Variants in APBA1 observed in about 807,000 individuals in gnomAD.
APBA1 encodes the protein amyloid beta precursor protein binding family A member 1, also known as amyloid-beta A4 precursor protein-binding family A member 1.
APBA1 carries 55 observed loss-of-function variants against 86.6 expected under a neutral mutation model. The observed-to-expected ratio is 0.64, with a 90% CI of 0.51 to 0.80. APBA1 has a LOEUF of 0.80. Ranked by LOEUF, APBA1 falls within the 30% of genes least tolerant of loss-of-function variation. The pLI is 0.00. For missense variants in APBA1, 1,090 were observed against 1,183.0 expected (o/e 0.92, Z 1.15); for synonymous variants, 511 against 493.9 (o/e 1.03, Z -0.46).
rs1407942157 is a variant in APBA1, at chr9:69,476,153, A to G, written c.1201-10T>C. ...TGCCAGGAGACGGAGACTAGAACAC[A>G]GCAAGAGGAAACACAGTGAGAACTT... On this transcript the variant is annotated splice_polypyrimidine_tract_variant and intron_variant, in intron 2 of 12. Transcript: ENST00000265381. 5.0e-6 allele frequency: 8 copies of G among 1,602,052 alleles called. No individual in the cohort carries two copies. Among genetic ancestry groups the G allele is most frequent in the Non-Finnish European group, 2.6e-6 (3 of 1,170,782 alleles).
intron 1 of APBA1, among the ~76,000 whole-genome samples, chr9:69,579,242 G>A (rs1821866325): frequency 6.6e-6 from 1 of 152,054 alleles, no homozygotes; most frequent in African/African-American, 2.4e-5. Flanking sequence ...AATGTGCACA[G>A]CCACATGAGG....
chr9:69,613,347 G>A (rs2133983728), intron 1 of APBA1, among the ~76,000 whole-genome samples: 1 of 152,128 alleles, frequency 6.6e-6, no homozygotes, highest in East Asian at 1.9e-4. Flanking sequence ...TTCTATTCCT[G>A]CCACATTTTT....
rs768864243 is a variant in APBA1 at position 69,449,704 on chromosome 9, G to A, written c.2061C>T (p.Asn687=). ...TCTCCGCAGGGCCACCATGCATCAT[G>A]TTGGCAATGATCACGGTGGGGAGGA... ...GSILPTVIIA[N]MMHGGPAEKS... is the part of the protein sequence containing the mutation. Residue 687 remains asparagine (N), a synonymous_variant, in exon 10 of 13, where the codon AAC becomes AAT. Transcript: ENST00000265381. 10 of 1,613,966 alleles carry A rather than the reference G, an allele frequency of 6.2e-6. 1 individual carries two copies. In the South Asian group the frequency reaches 7.7e-5, roughly 12 times the overall value.
intron 10 of APBA1, among the ~76,000 whole-genome samples, chr9:69,443,059 C>A (rs969748857): frequency 2.0e-5 from 3 of 152,186 alleles, no homozygotes; most frequent in African/African-American, 7.2e-5. Flanking sequence ...GAGGTAGGGG[C>A]TATTTTGCCT....
intron 2 of APBA1, among the ~76,000 whole-genome samples, chr9:69,513,346 G>A (rs1836083070): frequency 6.6e-6 from 1 of 152,220 alleles, no homozygotes; most frequent in South Asian, 2.1e-4. Flanking sequence ...AGGGGCAATT[G>A]GTTAAGCAGG....
In APBA1 at chr9:69,516,621, A is replaced by T; in HGVS notation, c.590T>A (p.Val197Glu). ...YADYGGLQEH[V>E]YEEIGDAPEL... ...GGGCGCGTCCCCTATCTCCTCGTAC[A>T]CGTGCTCCTGGAGGCCGCCGTAGTC... The change falls in exon 2 of 13, where the codon GTG becomes GAG. Residue 197 changes from valine (V) to glutamate (E), a missense_variant. Coordinates refer to ENST00000265381, the MANE Select transcript of APBA1 (RefSeq NM_001163.4). This position sits in a 1 kb window ranked among gnomAD's most constrained non-coding sequence, Gnocchi z 7.3. 6.2e-7 allele frequency: 1 copy of T among 1,606,898 alleles called. No individual in the cohort carries two copies. Among genetic ancestry groups the T allele is most frequent in the Admixed American group, 1.7e-5 (1 of 59,910 alleles).
intron 8 of APBA1, 87 bp downstream of exon 8, chr9:69,456,154 TACATGC>T: frequency 7.5e-7 from 1 of 1,336,858 alleles, no homozygotes; most frequent in Non-Finnish European, 1.1e-6. Flanking sequence ...GCACAATAAA[TACATGC>T]ATCATGTGTG....
In APBA1 at chr9:69,516,512, C is replaced by G; in HGVS notation, c.699G>C (p.Ala233=). The G allele has an allele frequency of 6.3e-7, 1 of 1,595,984 alleles. No homozygotes were observed. Among genetic ancestry groups the G allele is most frequent in the Non-Finnish European group, 8.5e-7 (1 of 1,176,738 alleles). Residue 233 remains alanine, a synonymous_variant, in exon 2 of 13, where the codon GCG becomes GCC. Transcript: ENST00000265381. This position sits in a 1 kb window ranked among gnomAD's most constrained non-coding sequence, Gnocchi z 7.3. The part of the protein sequence containing the change: ...AAAYRQEALG[A]RLHHYDERSD... ...AGCGCTCGTCGTAATGGTGCAGCCG[C>G]GCGCCCAGGGCCTCCTGGCGGTACG...
intron 1 of APBA1, among the ~76,000 whole-genome samples, chr9:69,606,403 G>T (rs149421427): frequency 1.4e-5 from 2 of 146,656 alleles, no homozygotes; most frequent in African/African-American, 2.5e-5. Context: ...TTATTGTATC[G>T]CCTACTTTTT....
intron 1 of APBA1, among the ~76,000 whole-genome samples, chr9:69,656,275 A>G (rs188139801): frequency 1.1e-4 from 16 of 152,340 alleles, no homozygotes; most frequent in Non-Finnish European, 1.2e-4. Context: ...ATTCCTGAGT[A>G]TATACCCTAC....
Position 69,517,229 on chromosome 9 carries a change from T to C in APBA1, c.-19A>G. 6.9e-7 allele frequency: 1 copy of C among 1,449,134 alleles called. No homozygotes were observed. Among genetic ancestry groups the C allele is most frequent in the Non-Finnish European group, 9.1e-7 (1 of 1,101,210 alleles). 89.8% of individuals were successfully genotyped at this position (1,449,134 alleles called of 1,614,324 possible). A position where few individuals can be genotyped will look rare whatever the true frequency, so the allele number is the denominator to read the frequency against. ...GGTTCATGGTGGGAGTCGGAACGGC[T>C]AGGAGAGAAGCTGGGCCCGGCTCAC... On this transcript the variant is annotated 5_prime_UTR_variant, in exon 2 of 13. Coordinates refer to ENST00000265381, the MANE Select transcript of APBA1 (RefSeq NM_001163.4).
chr9:69,639,792 T>C (rs887739273), intron 1 of APBA1, among the ~76,000 whole-genome samples: 1 of 152,218 alleles, frequency 6.6e-6, no homozygotes, highest in African/African-American at 2.4e-5. Flanking sequence ...TTTCTCCTTA[T>C]AGAAGTCCAG....
At chr9:69,527,247 G>GA (rs1181490959) in intron 1 of APBA1, among the ~76,000 whole-genome samples, 2 of 151,816 alleles carry the variant, frequency 1.3e-5, no homozygotes, top group East Asian at 1.9e-4. Context: ...AAAAAATTGT[G>GA]AAAAAAATGT....
rs79570008 is a variant in APBA1, at chr9:69,628,677, G to T, written c.-70+43476C>A. 7.2e-4 allele frequency among the ~76,000 whole-genome samples: 110 copies of T among 152,294 alleles called. 3 individuals carry two copies. In the East Asian group the frequency reaches 0.02, roughly 28 times the overall value. On this transcript the variant is annotated intron_variant, in intron 1 of 12. Transcript: ENST00000265381. The stretch of plus-strand genomic sequence containing the variant: ...CAGAAGAACTTCTTAAGCAGATAAT[G>T]AAAAATAATGGGCATAGTGACATGT...
intron 1 of APBA1, among the ~76,000 whole-genome samples, chr9:69,583,779 G>C (rs1821963876): frequency 1.3e-5 from 2 of 152,164 alleles, no homozygotes; most frequent in Admixed American, 6.5e-5. Context: ...TGATACTGCG[G>C]AATCATTAAA....
At chr9:69,654,110 CT>C (rs1415778005) in intron 1 of APBA1, among the ~76,000 whole-genome samples, 1 of 96,564 alleles carries the variant, frequency 1.0e-5, no homozygotes, top group Admixed American at 1.2e-4. Flanking sequence ...GAAACTCCAT[CT>C]CAAAAAAAAA....
At chr9:69,447,470 G>A (rs1348558418) in intron 10 of APBA1, among the ~76,000 whole-genome samples, 1 of 152,170 alleles carries the variant, frequency 6.6e-6, no homozygotes, top group African/African-American at 2.4e-5. Flanking sequence ...CCTGTGCATT[G>A]TAGGATGTTT....
At chr9:69,547,241 G>C (rs1836712670) in intron 1 of APBA1, among the ~76,000 whole-genome samples, 1 of 152,168 alleles carries the variant, frequency 6.6e-6, no homozygotes, top group South Asian at 2.1e-4. Context: ...TTACAATACT[G>C]TTACGGAACA....
chr9:69,516,036 T>C lies in APBA1; in HGVS notation c.1175A>G (p.Asp392Gly). Residue 392 changes from aspartate to glycine, a missense_variant, in exon 2 of 13, where the codon GAC (aspartate) becomes GGC (glycine). Around this residue, in one of 6 missense-constraint regions of APBA1, gnomAD observed 678 missense variants for 647.1 expected, o/e 1.05. Transcript: ENST00000265381. This position sits in a 1 kb window ranked among gnomAD's most constrained non-coding sequence, Gnocchi z 7.3. ...ATCTCCGTCCATCGGCCTCTGGTCGTCACAGTCCCTGGTGGGGCTAATGTC... is the reference window on the plus strand; with the variant it reads ...ATCTCCGTCCATCGGCCTCTGGTCGCCACAGTCCCTGGTGGGGCTAATGTC... The part of the protein sequence containing the change: ...RQDISPTRDC[D>G]DQRPMDGDSP... 6.3e-7 allele frequency: 1 copy of C among 1,592,002 alleles called. No homozygotes were observed. The highest frequency in any genetic ancestry group is 8.6e-7 in the Non-Finnish European group (1 of 1,167,160).
Sources: gnomAD v4.1 joint callset for allele counts (sites outside exome capture counted in the v4.1 genomes callset) on GRCh38, gnomAD v4.1.1 for gene constraint, gnomAD v4.1.1 regional missense constraint, Gnocchi (gnomAD v3.1) non-coding constraint, MANE v1.5 for transcripts, NCBI Gene and HGNC (gene_info 2026-07-23, HGNC 2026-07-21) for gene names.